The following LTBP2 variants were observed in gnomAD, a reference collection of about 807,000 sequenced individuals.
LTBP2 encodes latent transforming growth factor beta binding protein 2, also known as latent-transforming growth factor beta-binding protein 2.
In LTBP2, 103 loss-of-function variants were observed where a neutral mutation model predicts 210.6. The ratio of observed to expected loss-of-function variants is 0.49; its 90% CI spans 0.42 to 0.58. LTBP2 has a LOEUF of 0.58. Ranked by LOEUF, LTBP2 falls within the 20% of genes least tolerant of loss-of-function variation. LTBP2 has a pLI of 0.00. For synonymous variants in LTBP2, 1,007 were observed against 1,015.0 expected, an observed-to-expected ratio of 0.99 and a Z score of 0.15; for missense variants, 2,313 against 2,494.5, an observed-to-expected ratio of 0.93 and a Z score of 1.55.
chr14:74,585,352 G>C (rs1385761100), intron 3 of LTBP2, among the ~76,000 whole-genome samples: 1 of 152,212 alleles, frequency 6.6e-6, no homozygotes, highest in Non-Finnish European at 1.5e-5. Context: ...TGGGGTGTGG[G>C]AGAACAAGTA....
chr14:74,587,051 C>T (rs1279772257), intron 2 of LTBP2, among the ~76,000 whole-genome samples: 1 of 152,168 alleles, frequency 6.6e-6, no homozygotes, highest in Non-Finnish European at 1.5e-5. Flanking sequence ...TGTCCTTCAC[C>T]CCCTTGCAAA....
At chr14:74,536,061 T>C (rs2087417861) in intron 8 of LTBP2, 61 bp from the exon 9 acceptor site, 1 of 1,470,446 alleles carries the variant, frequency 6.8e-7, no homozygotes, top group South Asian at 1.1e-5. Flanking sequence ...CTGTCACCCA[T>C]GCTGGGAAGC....
intron 3 of LTBP2, among the ~76,000 whole-genome samples, chr14:74,583,627 C>G (rs1230450620): frequency 6.6e-6 from 1 of 152,248 alleles, no homozygotes; most frequent in Non-Finnish European, 1.5e-5. Context: ...GCCTGTCACA[C>G]ACAGGAAACC....
intron 3 of LTBP2, among the ~76,000 whole-genome samples, chr14:74,563,933 C>G (rs1481182662): frequency 7.1e-6 from 1 of 139,890 alleles, no homozygotes; most frequent in Non-Finnish European, 1.5e-5. Context: ...TGGAAGGATA[C>G]CCTGGAATAT....
At chr14:74,527,399 G>A in intron 12 of LTBP2, 33 bp from the exon 13 acceptor site, 2 of 1,603,046 alleles carry the variant, frequency 1.2e-6, no homozygotes, top group South Asian at 2.3e-5. Context: ...TGAGCTCAGG[G>A]AGGAGGGTCT....
At chr14:74,505,206 T>G in intron 28 of LTBP2, 32 bp from the exon 29 acceptor site, 1 of 1,607,302 alleles carries the variant, frequency 6.2e-7, no homozygotes, top group Non-Finnish European at 8.5e-7. Context: ...TACTGTCTGT[T>G]CATGACCCTC....
intron 33 of LTBP2, 135 bp from the exon 34 acceptor site, chr14:74,503,069 C>G: frequency 6.8e-7 from 1 of 1,475,496 alleles, no homozygotes; most frequent in Non-Finnish European, 9.3e-7. Flanking sequence ...CCCACCTCTC[C>G]CCTGCCCTAC....
Position 74,505,097 on chromosome 14 carries a change from C to T in LTBP2, c.4255G>A (p.Gly1419Ser), listed in dbSNP as rs1323296650. Reference sequence around the variant, plus strand: ...AGGACACTGGAGCAGGGCGCATGGCCCTTCTGCCCGGAGTAGCAGTCCATG... The same window carrying T: ...AGGACACTGGAGCAGGGCGCATGGCTCTTCTGCCCGGAGTAGCAGTCCATG... ...TRMDCYSGQKGHAPCSSVLGR... is the reference protein window; with the variant it reads ...TRMDCYSGQKSHAPCSSVLGR... Residue 1419 changes from glycine (G) to serine (S), a missense_variant, in exon 29 of 36, where the codon GGC becomes AGC. Gly to Ser is a moderately conservative substitution (Grantham distance 56, BLOSUM62 0). Coordinates refer to ENST00000261978, the MANE Select transcript of LTBP2 (RefSeq NM_000428.3). 6.2e-7 allele frequency: 1 copy of T among 1,614,066 alleles called. No homozygotes were observed. The highest frequency in any genetic ancestry group is 1.1e-5 in the South Asian group (1 of 91,084).
At chr14:74,562,623 G>GA (rs199951008) in intron 3 of LTBP2, among the ~76,000 whole-genome samples, 7,473 of 150,562 alleles carry the variant, frequency 0.05, 201 homozygotes, top group Middle Eastern at 0.095. Context: ...ACAGGTCACA[G>GA]AAAAAAAAAT....
chr14:74,530,080 G>A (rs1452445247), intron 10 of LTBP2, among the ~76,000 whole-genome samples: 3 of 152,184 alleles, frequency 2.0e-5, no homozygotes, highest in African/African-American at 4.8e-5. Context: ...TCCATCGCAG[G>A]GGACACCTGT....
Position 74,525,152 on chromosome 14 carries a change from A to G in LTBP2, c.2502T>C (p.Thr834=), listed in dbSNP as rs862031. 894,172 of 1,329,916 alleles carry G rather than the reference A, an allele frequency of 0.67. 301,868 individuals carry two copies. The highest frequency in any genetic ancestry group is 0.82 in the African/African-American group (54,619 of 66,706). 82.4% of individuals were successfully genotyped at this position (1,329,916 alleles called of 1,614,324 possible). Residue 834 remains threonine (T), a synonymous_variant, in exon 15 of 36, where the codon ACT becomes ACC. Coordinates refer to ENST00000261978, the MANE Select transcript of LTBP2 (RefSeq NM_000428.3). ...EIQEEQVTPS[T]DVLVTLSTPG... The stretch of plus-strand genomic sequence containing the variant: ...GGGTGCTCAGGGTCACCAGCACATC[A>G]GTGGAGGGGGTCACTTGTTCTTCCT...
At chr14:74,569,875 C>T (rs187640336) in intron 3 of LTBP2, among the ~76,000 whole-genome samples, 6 of 152,092 alleles carry the variant, frequency 3.9e-5, no homozygotes, top group Non-Finnish European at 8.8e-5. Context: ...ATCTCATGAA[C>T]GGCAAAACCC....
chr14:74,593,346 G>C (rs979801566), intron 2 of LTBP2, among the ~76,000 whole-genome samples: 2 of 152,208 alleles, frequency 1.3e-5, no homozygotes, highest in African/African-American at 4.8e-5. Context: ...ACACGGGGTC[G>C]GGGGCAGGAG....
intron 34 of LTBP2, 163 bp downstream of exon 34, chr14:74,502,490 G>C: frequency 1.1e-6 from 1 of 872,724 alleles, no homozygotes; most frequent in Non-Finnish European, 1.9e-6. Context: ...GGACCTGGGC[G>C]TATGTACTTG....
At chr14:74,504,132 G>T in intron 30 of LTBP2, 78 bp from the exon 31 acceptor site, 1 of 1,569,642 alleles carries the variant, frequency 6.4e-7, no homozygotes, top group Non-Finnish European at 8.7e-7. Context: ...TCCAAAGCCA[G>T]GCTGGGTTTG....
At chr14:74,574,954 C>G (rs574470624) in intron 3 of LTBP2, among the ~76,000 whole-genome samples, 1 of 152,306 alleles carries the variant, frequency 6.6e-6, no homozygotes, top group South Asian at 2.1e-4. Context: ...GGCCTCCTCC[C>G]CTGAGCACTC....
intron 3 of LTBP2, among the ~76,000 whole-genome samples, chr14:74,584,178 G>T (rs971497170): frequency 1.3e-5 from 2 of 152,194 alleles, no homozygotes; most frequent in Admixed American, 1.3e-4. Context: ...GCATGCCAGA[G>T]AGTAAGTGCT....
At chr14:74,549,761 C>G in intron 8 of LTBP2, 102 bp downstream of exon 8, 1 of 969,148 alleles carries the variant, frequency 1.0e-6, no homozygotes, top group Non-Finnish European at 1.7e-6. Context: ...GCCTGTTCTA[C>G]CTGCCTGGCC....
chr14:74,516,348 A>ATCCCGCCCTCCCTCCCTCCC (rs2087134491), intron 18 of LTBP2, among the ~76,000 whole-genome samples: 1 of 108,526 alleles, frequency 9.2e-6, no homozygotes, highest in South Asian at 3.2e-4. Context: ...AGGATCTGGA[A>ATCCCGCCCTCCCTCCCTCCC]TCCCTCCCTC....
Sources: allele counts gnomAD v4.1 joint callset (sites outside exome capture counted in the v4.1 genomes callset), GRCh38; gene constraint gnomAD v4.1.1; transcripts MANE v1.5; gene names NCBI Gene and HGNC (gene_info 2026-07-23, HGNC 2026-07-21).